Variants in MYBPC1 observed in about 807,000 individuals in gnomAD.
MYBPC1 encodes myosin binding protein C1, also known as myosin-binding protein C, slow-type.
In MYBPC1, 52 loss-of-function variants were observed where a neutral mutation model predicts 147.1. The observed-to-expected ratio is 0.35, with a 90% CI of 0.28 to 0.45. The LOEUF (loss-of-function observed/expected upper bound fraction) is 0.45. Ranked by LOEUF, MYBPC1 falls within the 20% of genes least tolerant of loss-of-function variation. The pLI, the probability that MYBPC1 is intolerant of heterozygous loss-of-function variation, is 1.00. For synonymous variants in MYBPC1, 477 were observed against 475.9 expected (o/e 1.00, Z -0.03); for missense variants, 1,228 against 1,440.3 (o/e 0.85, Z 2.39).
At chr12:101,677,530 A>T in intron 27 of MYBPC1, 136 bp downstream of exon 27, 1 of 1,096,542 alleles carries the variant, frequency 9.1e-7, no homozygotes, top group Non-Finnish European at 1.3e-6. Flanking sequence ...ATGGTGTTCA[A>T]GTAAAATTTT....
intron 22 of MYBPC1, chr12:101,666,843 T>G: frequency 1.9e-6 from 3 of 1,548,822 alleles, no homozygotes; most frequent in South Asian, 1.1e-5. Context: ...TATATTATAA[T>G]GTTTCTGGGA....
intron 24 of MYBPC1, 122 bp downstream of exon 24, chr12:101,670,531 A>T: frequency 1.2e-6 from 1 of 857,070 alleles, no homozygotes; most frequent in Non-Finnish European, 2.0e-6. Context: ...GAGAGGAGGT[A>T]AATAAAGAAT....
chr12:101,649,160 C>T (rs1893865548), intron 14 of MYBPC1, 100 bp from the exon 15 acceptor site: 6 of 1,046,450 alleles, frequency 5.7e-6, no homozygotes, highest in Non-Finnish European at 8.7e-6. Flanking sequence ...TGTCTCATAT[C>T]CTCCAGAAAT....
chr12:101,668,049 T>G (rs1022161102), intron 23 of MYBPC1, 150 bp downstream of exon 23: 48 of 985,278 alleles, frequency 4.9e-5, no homozygotes, highest in Middle Eastern at 3.1e-4. Flanking sequence ...AGTTAGAACT[T>G]AATAAAGCAG....
chr12:101,636,936 T>G lies in MYBPC1; in HGVS notation c.665+208T>G, dbSNP rs1891101915. On this transcript the variant is annotated intron_variant, in intron 10 of 31. Transcript: ENST00000361466. ...AGCCTTTAACAGTTGCTTTTAAACT[T>G]TCTTTTTAAATGTTTCATGACTCTT... 3.3e-5 allele frequency: 17 copies of G among 515,794 alleles called. No homozygotes were observed. The South Asian group carries it at 3.7e-4, about 11-fold the overall frequency. The allele number at this position is 515,794 out of a possible 1,614,324, so 32.0% of individuals were successfully genotyped here.
intron 5 of MYBPC1, 60 bp from the exon 6 acceptor site, chr12:101,629,374 A>G: frequency 8.7e-7 from 1 of 1,151,826 alleles, no homozygotes; most frequent in South Asian, 1.2e-5. Context: ...AAATCCAGGT[A>G]AGACTGCCTA....
chr12:101,631,422 A>T (rs1593781774), intron 6 of MYBPC1, 149 bp from the exon 7 acceptor site: 1 of 924,102 alleles, frequency 1.1e-6, no homozygotes, highest in East Asian at 2.6e-5. Context: ...GAGCATTCAT[A>T]AAAAAATCAG....
chr12:101,630,277 C>T (rs186868322), intron 6 of MYBPC1, among the ~76,000 whole-genome samples: 17 of 152,268 alleles, frequency 1.1e-4, no homozygotes, highest in African/African-American at 3.6e-4. Context: ...CTAAATCCTG[C>T]TTTTTACAAC....
intron 8 of MYBPC1, among the ~76,000 whole-genome samples, chr12:101,633,413 G>T (rs902857877): frequency 2.0e-5 from 3 of 152,154 alleles, no homozygotes; most frequent in African/African-American, 4.8e-5. Context: ...AGCTGGCCAG[G>T]CACGGTGGTT....
At chr12:101,671,303 A>G (rs1237985461) in intron 24 of MYBPC1, among the ~76,000 whole-genome samples, 1 of 132,976 alleles carries the variant, frequency 7.5e-6, no homozygotes. Flanking sequence ...CACATTTGAC[A>G]CTCATATACA....
chr12:101,609,248 T>C (rs1359470463), intron 1 of MYBPC1, among the ~76,000 whole-genome samples: 1 of 152,098 alleles, frequency 6.6e-6, no homozygotes, highest in Non-Finnish European at 1.5e-5. Context: ...CAGCATCACC[T>C]GGGAGCCTTG....
rs775328120 is a variant in MYBPC1, at chr12:101,662,348, A to T, written c.2033-10A>T. ...GGAAAAACCTTAGTTTTCATTTTGC[A>T]TACCTGCAGGATATTTTATTGAGAG... On this transcript the variant is annotated splice_polypyrimidine_tract_variant and intron_variant, in intron 20 of 31. Transcript: ENST00000361466. The T allele has an allele frequency of 6.2e-7, 1 of 1,614,010 alleles. No individual in the cohort carries two copies. Among genetic ancestry groups the T allele is most frequent in the Middle Eastern group, 1.7e-4 (1 of 6,060 alleles).
chr12:101,648,254 C>A, intron 14 of MYBPC1, 104 bp downstream of exon 14: 1 of 762,012 alleles, frequency 1.3e-6, no homozygotes. Flanking sequence ...CCTTTGAAAA[C>A]AATCTCCACC....
chr12:101,659,799 A>G lies in MYBPC1; in HGVS notation c.1895A>G (p.Glu632Gly), dbSNP rs1896217037. 6.2e-7 allele frequency: 1 copy of G among 1,614,014 alleles called. No homozygotes were observed. Among genetic ancestry groups the G allele is most frequent in the Non-Finnish European group, 8.5e-7 (1 of 1,179,998 alleles). ...ATCAATCTGAAAAACGAAGCTGGAG[A>G]GGCACATGCAAGCATCAAGGTTAAA... ...YHINLKNEAG[E>G]AHASIKVKVV... is the part of the protein sequence containing the mutation. The change falls in exon 19 of 32, where the codon GAG (glutamate) becomes GGG (glycine). Residue 632 changes from glutamate (E) to glycine (G), a missense_variant. Transcript: ENST00000361466.
Position 101,652,863 on chromosome 12 carries a change from C to T in MYBPC1, c.1633+79C>T. 2.3e-6 allele frequency: 3 copies of T among 1,294,126 alleles called. 1 individual carries two copies. The Admixed American group carries it at 5.1e-5, about 22-fold the overall frequency. The allele number at this position is 1,294,126 out of a possible 1,614,324, so 80.2% of individuals were successfully genotyped here. A position where few individuals can be genotyped will look rare whatever the true frequency, so the allele number is the denominator to read the frequency against. On this transcript the variant is annotated intron_variant, in intron 17 of 31. Coordinates refer to ENST00000361466, the MANE Select transcript of MYBPC1 (RefSeq NM_002465.4). ...GCTTACCATGGAATTATAATATATT[C>T]AAAACTAAGTGACATTTAAGGAAAA...
chr12:101,687,656 C>A (rs1407781342), downstream of MYBPC1, among the ~76,000 whole-genome samples: 1 of 152,222 alleles, frequency 6.6e-6, no homozygotes, highest in Non-Finnish European at 1.5e-5. Flanking sequence ...AAAGAAATGA[C>A]AATGTGGCAA....
At chr12:101,675,459 A>C in intron 26 of MYBPC1, 28 bp downstream of exon 26, 1 of 1,613,940 alleles carries the variant, frequency 6.2e-7, no homozygotes, top group South Asian at 1.1e-5. Context: ...CTGGTTCATC[A>C]GTAGCAAAAG....
chr12:101,599,814 T>C (rs1191416232), intron 1 of MYBPC1, among the ~76,000 whole-genome samples: 1 of 152,198 alleles, frequency 6.6e-6, no homozygotes, highest in East Asian at 1.9e-4. Context: ...AATGCCATCA[T>C]ATTTTTTCCT....
intron 20 of MYBPC1, among the ~76,000 whole-genome samples, chr12:101,661,895 T>C (rs1896615343): frequency 5.4e-5 from 1 of 18,398 alleles, no homozygotes; most frequent in Non-Finnish European, 1.2e-4. Context: ...AGACTCTGTC[T>C]CAAAAAAAAA....
Sources: allele counts gnomAD v4.1 joint callset (sites outside exome capture counted in the v4.1 genomes callset), GRCh38; gene constraint gnomAD v4.1.1; transcripts MANE v1.5; gene names NCBI Gene and HGNC (gene_info 2026-07-23, HGNC 2026-07-21).